Variants in PAN3 observed in about 807,000 individuals in gnomAD.
PAN3 encodes PAN2-PAN3 deadenylation complex subunit PAN3.
In PAN3, 19 loss-of-function variants were observed where a neutral mutation model predicts 96.2. That is an observed-to-expected ratio of 0.20 (90% CI 0.14 to 0.29). The LOEUF (loss-of-function observed/expected upper bound fraction) is 0.29, where lower values mean the gene tolerates loss of function less well. Among genes scored for constraint, PAN3 ranks in the 10% least tolerant of loss-of-function variants. The probability of loss-of-function intolerance (pLI) is 1.00; values close to 1 mark genes in which losing one functional copy is unlikely to be tolerated. For missense variants in PAN3, 882 were observed against 1,108.1 expected (o/e 0.80, Z 2.90); for synonymous variants, 433 against 406.6 (o/e 1.06, Z -0.78).
At chr13:28,186,512 T>A (rs780802072) in intron 4 of PAN3, among the ~76,000 whole-genome samples, 1 of 152,190 alleles carries the variant, frequency 6.6e-6, no homozygotes, top group Non-Finnish European at 1.5e-5. Flanking sequence ...ATGGTAGTTA[T>A]TGTTATAGTC....
chr13:28,290,469 G>A (rs1212521521), intron 18 of PAN3, among the ~76,000 whole-genome samples: 1 of 152,140 alleles, frequency 6.6e-6, no homozygotes, highest in African/African-American at 2.4e-5. Flanking sequence ...ATCACCTGAG[G>A]TCGGGAGTTT....
chr13:28,213,483 T>TA (rs1880306387), intron 5 of PAN3, among the ~76,000 whole-genome samples: 1 of 151,928 alleles, frequency 6.6e-6, no homozygotes, highest in African/African-American at 2.4e-5. Flanking sequence ...TTGGAAAAAA[T>TA]ATCCTGCAAA....
chr13:28,148,815 C>T (rs868565295), intron 1 of PAN3, among the ~76,000 whole-genome samples: 4 of 152,086 alleles, frequency 2.6e-5, no homozygotes, highest in East Asian at 1.9e-4. Flanking sequence ...GTTCCACATT[C>T]GCACATAGAA....
intron 17 of PAN3, among the ~76,000 whole-genome samples, chr13:28,282,085 C>CT (rs1457824664): frequency 6.6e-6 from 1 of 152,104 alleles, no homozygotes; most frequent in Non-Finnish European, 1.5e-5. Flanking sequence ...CTAAAGTATA[C>CT]TTTTTATAGC....
chr13:28,142,511 AT>A (rs74881179), intron 1 of PAN3, among the ~76,000 whole-genome samples: 1,572 of 126,646 alleles, frequency 0.012, 20 homozygotes, highest in Middle Eastern at 0.042. Flanking sequence ...ATAGATGGCA[AT>A]TTTTTTTTTT....
chr13:28,288,361 C>T (rs1044791496), intron 18 of PAN3, among the ~76,000 whole-genome samples: 3 of 151,686 alleles, frequency 2.0e-5, no homozygotes, highest in Non-Finnish European at 4.4e-5. Flanking sequence ...GTGCAGTGGC[C>T]TGATTTTGGC....
intron 10 of PAN3, 22 bp from the exon 11 acceptor site, chr13:28,267,073 G>A (rs1886245475): frequency 6.4e-7 from 1 of 1,569,570 alleles, no homozygotes; most frequent in South Asian, 1.1e-5. Context: ...GAGTTTACTG[G>A]AGTAGAAAAA....
At chr13:28,271,048 G>A (rs906275434) in intron 13 of PAN3, among the ~76,000 whole-genome samples, 182 bp downstream of exon 13, 6 of 151,996 alleles carry the variant, frequency 3.9e-5, no homozygotes, top group Admixed American at 6.6e-5. Flanking sequence ...TGAATAAAAT[G>A]CCTGGTTATT....
intron 5 of PAN3, among the ~76,000 whole-genome samples, chr13:28,209,791 C>A (rs921978746): frequency 1.3e-5 from 2 of 151,834 alleles, no homozygotes; most frequent in African/African-American, 4.8e-5. Flanking sequence ...TTCTTTTCCC[C>A]TTCTCCTTCC....
chr13:28,215,216 C>T, intron 5 of PAN3: 2 of 710,944 alleles, frequency 2.8e-6, no homozygotes, highest in Non-Finnish European at 5.3e-6. Context: ...CTCTGGACTG[C>T]ATCCTCCCAC....
chr13:28,141,836 G>T (rs1028586302), intron 1 of PAN3, among the ~76,000 whole-genome samples: 2 of 152,100 alleles, frequency 1.3e-5, no homozygotes, highest in African/African-American at 4.8e-5. Context: ...AGATGAAGAT[G>T]GGAGGGGAAG....
intron 7 of PAN3, among the ~76,000 whole-genome samples, chr13:28,257,791 A>G (rs1186349501): frequency 7.1e-6 from 1 of 140,312 alleles, no homozygotes; most frequent in East Asian, 2.0e-4. Context: ...TATATAATAT[A>G]TAATTAATAT....
chr13:28,203,072 C>T (rs779841769), intron 5 of PAN3, among the ~76,000 whole-genome samples: 19 of 151,744 alleles, frequency 1.3e-4, no homozygotes, highest in Non-Finnish European at 2.6e-4. Flanking sequence ...AAGCGATGCT[C>T]CCTCTTCAGC....
Position 28,174,303 on chromosome 13 carries a change from T to C in PAN3, c.462T>C (p.Asp154=), listed in dbSNP as rs143131153. 1.0e-4 allele frequency: 169 copies of C among 1,612,790 alleles called. No homozygotes were observed. The highest frequency in any genetic ancestry group is 1.4e-4 in the Non-Finnish European group (164 of 1,178,966). Residue 154 remains aspartate (D), a synonymous_variant, in exon 2 of 19, where the codon GAT becomes GAC. Transcript: ENST00000380958. ...GAATGGATGGAGGTGCTTTAACTGA[T>C]ACAAGTCTCACAGATTCCTATTTTA... ...IPGMDGGALT[D]TSLTDSYFST... is the part of the protein sequence containing the mutation.
At chr13:28,140,032 C>T (rs1405218399) in intron 1 of PAN3, among the ~76,000 whole-genome samples, 1 of 152,140 alleles carries the variant, frequency 6.6e-6, no homozygotes, top group African/African-American at 2.4e-5. Flanking sequence ...ACTGCAACCT[C>T]CGCCTCCCGA....
chr13:28,207,100 C>T (rs1879468338), intron 5 of PAN3, among the ~76,000 whole-genome samples: 2 of 152,054 alleles, frequency 1.3e-5, no homozygotes, highest in East Asian at 1.9e-4. Flanking sequence ...ATAAAATGAA[C>T]GCTGTATATT....
intron 17 of PAN3, among the ~76,000 whole-genome samples, chr13:28,286,085 C>G (rs1047680286): frequency 2.6e-5 from 4 of 152,142 alleles, no homozygotes; most frequent in Non-Finnish European, 4.4e-5. Flanking sequence ...AATGTTGAAC[C>G]TTTCTCTGTG....
At position 28,280,476 on chromosome 13, in the gene PAN3, C is replaced by A. The variant is rs138448007; in HGVS notation, c.2254C>A (p.Arg752=). The change falls in exon 16 of 19, where the codon CGA becomes AGA. Residue 752 remains arginine, a synonymous_variant. Transcript: ENST00000380958. ...TGACATCATGCCCATGATTGGTGCT[C>A]GATTTTATACTCAATTGGATGCTGC... is the stretch of plus-strand genomic sequence containing the variant. ...VNDIMPMIGA[R]FYTQLDAAQM... 273 of 1,611,704 alleles carry A rather than the reference C, an allele frequency of 1.7e-4. 1 individual carries two copies. In the African/African-American group the frequency reaches 2.2e-3, roughly 13 times the overall value.
At chr13:28,224,413 T>C (rs1881774956) in intron 6 of PAN3, among the ~76,000 whole-genome samples, 1 of 152,138 alleles carries the variant, frequency 6.6e-6, no homozygotes, top group South Asian at 2.1e-4. Context: ...CACAGTTGTG[T>C]CTCAGGAATT....
Sources: allele counts gnomAD v4.1 joint callset (sites outside exome capture counted in the v4.1 genomes callset), GRCh38; gene constraint gnomAD v4.1.1; transcripts MANE v1.5; gene names NCBI Gene and HGNC (gene_info 2026-07-23, HGNC 2026-07-21).